FAM162A: variants seen among roughly 807,000 people sequenced by gnomAD.
The protein encoded by FAM162A is protein FAM162A.
In FAM162A, 23 loss-of-function variants were observed where a neutral mutation model predicts 21.8. The observed-to-expected ratio is 1.05, with a 90% CI of 0.76 to 1.49. The LOEUF (loss-of-function observed/expected upper bound fraction) is 1.49. FAM162A is among the 40% of genes most tolerant of loss of function. The probability of loss-of-function intolerance (pLI) is 0.00; values close to 1 mark genes in which losing one functional copy is unlikely to be tolerated. For synonymous variants in FAM162A, 53 were observed against 61.3 expected, an observed-to-expected ratio of 0.86 and a Z score of 0.64; for missense variants, 165 against 186.4, an observed-to-expected ratio of 0.89 and a Z score of 0.67.
intron 1 of FAM162A, among the ~76,000 whole-genome samples, chr3:122,398,888 A>G (rs1474192459): frequency 3.9e-5 from 6 of 152,190 alleles, no homozygotes; most frequent in Admixed American, 2.0e-4. Context: ...CTTTAAAACA[A>G]TCTAGTAAGG....
At chr3:122,405,688 G>T (rs191407553) in intron 3 of FAM162A, among the ~76,000 whole-genome samples, 1 of 152,276 alleles carries the variant, frequency 6.6e-6, no homozygotes, top group African/African-American at 2.4e-5. Context: ...GAATCACTCT[G>T]GAAGGGTCTT....
intron 4 of FAM162A, chr3:122,408,047 A>T (rs946733488): frequency 5.3e-5 from 8 of 152,252 alleles, no homozygotes; most frequent in African/African-American, 1.9e-4. Flanking sequence ...AAGCTTTAGT[A>T]ACTTGCCCAA....
chr3:122,393,803 T>C (rs970367494), intron 1 of FAM162A, among the ~76,000 whole-genome samples: 8 of 152,202 alleles, frequency 5.3e-5, no homozygotes, highest in Non-Finnish European at 7.3e-5. Flanking sequence ...GAATGTAATA[T>C]GTGTAAGGTT....
chr3:122,388,675 A>G (rs2075585423), intron 1 of FAM162A, among the ~76,000 whole-genome samples: 1 of 152,216 alleles, frequency 6.6e-6, no homozygotes, highest in South Asian at 2.1e-4. Flanking sequence ...GAATCCTTGT[A>G]GAAAGATGAG....
intron 1 of FAM162A, among the ~76,000 whole-genome samples, chr3:122,385,251 G>T (rs1412257265): frequency 6.6e-6 from 1 of 152,082 alleles, no homozygotes; most frequent in African/African-American, 2.4e-5. Context: ...CCCACCTCAA[G>T]ATTATCCTTT....
At chr3:122,400,543 G>C (rs1217511740) in intron 1 of FAM162A, among the ~76,000 whole-genome samples, 1 of 152,084 alleles carries the variant, frequency 6.6e-6, no homozygotes, top group African/African-American at 2.4e-5. Context: ...GACTGAGAAT[G>C]GCCGGGCATG....
chr3:122,404,989 C>G (rs959222154), intron 3 of FAM162A, among the ~76,000 whole-genome samples: 2 of 152,166 alleles, frequency 1.3e-5, no homozygotes, highest in African/African-American at 2.4e-5. Flanking sequence ...CGGCTTCTGC[C>G]CCCTACATGC....
chr3:122,412,060 C>T lies in FAM162A; in HGVS notation c.*2229C>T, dbSNP rs1272640101. 1 of 152,220 alleles carries T rather than the reference C, an allele frequency of 6.6e-6. No homozygotes were observed. The highest frequency in any genetic ancestry group is 1.5e-5 in the Non-Finnish European group (1 of 68,048). 9.4% of individuals were successfully genotyped at this position (152,220 alleles called of 1,614,324 possible). Reference sequence around the variant, plus strand: ...TACTTCTCCCAGTACCCTTACAGCACTCCTACCCTACTAGTAACTCTGATA... The same window carrying T: ...TACTTCTCCCAGTACCCTTACAGCATTCCTACCCTACTAGTAACTCTGATA... On this transcript the variant is annotated 3_prime_UTR_variant, in exon 5 of 5. Coordinates refer to ENST00000477892, the MANE Select transcript of FAM162A (RefSeq NM_014367.4).
At chr3:122,394,030 G>A (rs1429845843) in intron 1 of FAM162A, among the ~76,000 whole-genome samples, 1 of 152,178 alleles carries the variant, frequency 6.6e-6, no homozygotes, top group Non-Finnish European at 1.5e-5. Flanking sequence ...AGTTTCTAGG[G>A]AGGCCTTAGG....
chr3:122,386,877 G>C (rs1037530488), intron 1 of FAM162A, among the ~76,000 whole-genome samples: 3 of 152,154 alleles, frequency 2.0e-5, no homozygotes, highest in Non-Finnish European at 4.4e-5. Context: ...AAATTTTTAT[G>C]ATTGTATACC....
chr3:122,391,530 G>T (rs902965416), intron 1 of FAM162A, among the ~76,000 whole-genome samples: 12 of 152,106 alleles, frequency 7.9e-5, no homozygotes, highest in Non-Finnish European at 1.8e-4. Context: ...TATACTGTAG[G>T]GAGGTAAAAG....
chr3:122,395,291 A>G (rs73188328), intron 1 of FAM162A, among the ~76,000 whole-genome samples: 2,571 of 152,318 alleles, frequency 0.017, 57 homozygotes, highest in South Asian at 0.088. Context: ...AGGAAAAACA[A>G]TAAGTGGCAA....
rs188930027 is a variant in FAM162A at position 122,388,104 on chromosome 3, T to C, written c.34+3805T>C. Among the ~76,000 whole-genome samples, 15 of 152,328 alleles carry C rather than the reference T, an allele frequency of 9.8e-5. No homozygotes were observed. The East Asian group carries it at 2.9e-3, about 29-fold the overall frequency. ...ATTTCTGGAAAATTAACTCAGCAAC[T>C]ACATACCAGTTGAATTGCTGCTACC... On this transcript the variant is annotated intron_variant, in intron 1 of 4. Coordinates refer to ENST00000477892, the MANE Select transcript of FAM162A (RefSeq NM_014367.4).
chr3:122,409,778 GA>G lies in FAM162A; in HGVS notation c.416del (p.Lys139ArgfsTer5). 6.2e-7 allele frequency: 1 copy of G among 1,614,060 alleles called. No homozygotes were observed. The highest frequency in any genetic ancestry group is 1.3e-5 in the African/African-American group (1 of 75,028). ...RHETLTSLNL[E>X]KKARLKEEAA... is the part of the protein sequence containing the mutation. The stretch of plus-strand genomic sequence containing the variant: ...CGAGACTTTAACAAGCTTGAACTTA[GA>G]AAAGAAAGCTCGTCTGAAAGAGGAA... On this transcript the variant is annotated frameshift_variant, in exon 5 of 5. Transcript: ENST00000477892. LOFTEE classifies it high-confidence loss of function.
chr3:122,394,758 G>A (rs566385430), intron 1 of FAM162A, among the ~76,000 whole-genome samples: 4 of 152,166 alleles, frequency 2.6e-5, no homozygotes, highest in South Asian at 4.2e-4. Flanking sequence ...AAATACAAAA[G>A]AGGAGGGATC....
chr3:122,406,518 C>G (rs1483318705), intron 3 of FAM162A, among the ~76,000 whole-genome samples: 3 of 152,236 alleles, frequency 2.0e-5, no homozygotes, highest in African/African-American at 7.2e-5. Context: ...GATGAACCAA[C>G]CATCAACTTT....
intron 3 of FAM162A, among the ~76,000 whole-genome samples, chr3:122,406,150 C>G (rs2075675704): frequency 6.6e-6 from 1 of 152,206 alleles, no homozygotes; most frequent in Non-Finnish European, 1.5e-5. Context: ...GCACTTCAAT[C>G]CCATCATCTA....
intron 3 of FAM162A, among the ~76,000 whole-genome samples, chr3:122,406,686 C>G (rs544625425): frequency 1.3e-5 from 2 of 152,300 alleles, no homozygotes; most frequent in East Asian, 1.9e-4. Context: ...AAGGATCTTC[C>G]TACTATTTTA....
intron 1 of FAM162A, among the ~76,000 whole-genome samples, chr3:122,400,221 G>A (rs1416605445): frequency 6.6e-6 from 1 of 152,180 alleles, no homozygotes; most frequent in Non-Finnish European, 1.5e-5. Flanking sequence ...GTCCCTTGCA[G>A]GGACATGGAT....
Sources: gnomAD v4.1 joint callset for allele counts (sites outside exome capture counted in the v4.1 genomes callset) on GRCh38, gnomAD v4.1.1 for gene constraint, MANE v1.5 for transcripts, NCBI Gene and HGNC (gene_info 2026-07-23, HGNC 2026-07-21) for gene names.